TMCC3: variants seen among roughly 807,000 people sequenced by gnomAD.
TMCC3 encodes the protein transmembrane and coiled-coil domain family 3, also known as transmembrane and coiled-coil domain protein 3.
A neutral mutation model predicts 40.2 loss-of-function variants in TMCC3; 28 were observed. The observed-to-expected ratio is 0.70, with a 90% CI of 0.52 to 0.95. TMCC3 has a LOEUF of 0.95. TMCC3 is among the 40% of genes least tolerant of loss of function. TMCC3 has a pLI of 0.00. For missense variants in TMCC3, 554 were observed against 615.2 expected (o/e 0.90, Z 1.05); for synonymous variants, 255 against 248.5 (o/e 1.03, Z -0.25).
At chr12:94,591,824 G>A (rs1263937923) in intron 1 of TMCC3, among the ~76,000 whole-genome samples, 1 of 152,040 alleles carries the variant, frequency 6.6e-6, no homozygotes, top group Non-Finnish European at 1.5e-5. Flanking sequence ...GCTATCCTGG[G>A]GTCACACTTG....
Position 94,571,327 on chromosome 12 carries a change from T to C in TMCC3, c.*108A>G. 1 of 1,185,952 alleles carries C rather than the reference T, an allele frequency of 8.4e-7. No individual in the cohort carries two copies. The highest frequency in any genetic ancestry group is 1.2e-6 in the Non-Finnish European group (1 of 843,930). 73.5% of individuals were successfully genotyped at this position (1,185,952 alleles called of 1,614,324 possible). ...TATTTACACCACACAGTCCTAGTTT[T>C]TCTTACACACGAGTCCGCACAATCA... On this transcript the variant is annotated 3_prime_UTR_variant, in exon 4 of 4. Transcript: ENST00000261226.
At chr12:94,572,313 T>C (rs1416685187) in intron 3 of TMCC3, among the ~76,000 whole-genome samples, 1 of 121,382 alleles carries the variant, frequency 8.2e-6, no homozygotes, top group Non-Finnish European at 1.8e-5. Flanking sequence ...CATCTTTTTT[T>C]TTTTTTTTTT....
chr12:94,649,815 GC>G (rs1459482942), intron 1 of TMCC3, among the ~76,000 whole-genome samples: 1 of 152,262 alleles, frequency 6.6e-6, no homozygotes, highest in East Asian at 1.9e-4. Context: ...CTCCGGAGAG[GC>G]AGCGCAAAGA....
intron 1 of TMCC3, among the ~76,000 whole-genome samples, chr12:94,637,045 A>T (rs965731532): frequency 9.9e-5 from 15 of 152,254 alleles, no homozygotes; most frequent in Admixed American, 7.8e-4. Flanking sequence ...CAGTTAAAAA[A>T]AAAATAGAGT....
At chr12:94,595,120 A>AG (rs1434331193) in intron 1 of TMCC3, among the ~76,000 whole-genome samples, 2 of 152,190 alleles carry the variant, frequency 1.3e-5, no homozygotes, top group Non-Finnish European at 2.9e-5. Context: ...AGTAACTGTT[A>AG]GATCTGGTGA....
chr12:94,588,297 A>C (rs2068650143), intron 1 of TMCC3, among the ~76,000 whole-genome samples: 1 of 151,398 alleles, frequency 6.6e-6, no homozygotes, highest in Admixed American at 6.6e-5. Flanking sequence ...CACACCACCC[A>C]CCCCCCAGCA....
chr12:94,593,964 C>T (rs149148366), intron 1 of TMCC3, among the ~76,000 whole-genome samples: 2 of 152,150 alleles, frequency 1.3e-5, no homozygotes, highest in East Asian at 3.9e-4. Flanking sequence ...AATAGACCAA[C>T]CTTACATGAG....
At chr12:94,584,944 G>A (rs1011426624) in intron 1 of TMCC3, among the ~76,000 whole-genome samples, 3 of 152,146 alleles carry the variant, frequency 2.0e-5, no homozygotes, top group Non-Finnish European at 4.4e-5. Context: ...AAGGAATCTA[G>A]TATCTGTGGC....
At chr12:94,573,632 G>A (rs1250654261) in intron 3 of TMCC3, among the ~76,000 whole-genome samples, 1 of 152,116 alleles carries the variant, frequency 6.6e-6, no homozygotes, top group African/African-American at 2.4e-5. Context: ...AGGCTAGGGT[G>A]CAATGGCACA....
chr12:94,650,116 G>A (rs918673741), intron 1 of TMCC3, among the ~76,000 whole-genome samples: 2 of 152,130 alleles, frequency 1.3e-5, no homozygotes, highest in Non-Finnish European at 2.9e-5. Context: ...TAGCGCGCGG[G>A]GACCTGGGCG....
At chr12:94,589,398 G>A (rs947573227) in intron 1 of TMCC3, among the ~76,000 whole-genome samples, 1 of 152,130 alleles carries the variant, frequency 6.6e-6, no homozygotes, top group Admixed American at 6.5e-5. Context: ...CCCAGGTTAC[G>A]GTGGGGCCTC....
intron 1 of TMCC3, among the ~76,000 whole-genome samples, chr12:94,589,884 A>G (rs1311091602): frequency 6.6e-6 from 1 of 152,194 alleles, no homozygotes; most frequent in African/African-American, 2.4e-5. Flanking sequence ...GAAATATGCA[A>G]GACTTAGCAA....
intron 1 of TMCC3, among the ~76,000 whole-genome samples, chr12:94,627,738 C>G (rs2068911226): frequency 6.6e-6 from 1 of 152,212 alleles, no homozygotes; most frequent in African/African-American, 2.4e-5. Flanking sequence ...CTTTGAGTGT[C>G]CTGTTTAAAA....
chr12:94,577,597 T>C (rs1389937056), intron 3 of TMCC3, among the ~76,000 whole-genome samples: 1 of 152,150 alleles, frequency 6.6e-6, no homozygotes, highest in Non-Finnish European at 1.5e-5. Context: ...GACTGACTGC[T>C]CCCATGGTCC....
In TMCC3 at chr12:94,635,145, G is replaced by A. The variant is rs141980789; in HGVS notation, c.78+15208C>T. Among the ~76,000 whole-genome samples, 1,164 of 152,256 alleles carry A rather than the reference G, an allele frequency of 7.6e-3. 14 individuals are homozygous for A. The highest frequency in any genetic ancestry group is 0.026 in the African/African-American group (1,087 of 41,530). The stretch of plus-strand genomic sequence containing the variant: ...ATTAAGCCAAATAAGGAAACAGATC[G>A]TTACCTACAAATCAGAAATCTTGTT... On this transcript the variant is annotated intron_variant, in intron 1 of 3. Transcript: ENST00000261226.
intron 1 of TMCC3, among the ~76,000 whole-genome samples, chr12:94,605,435 C>T (rs1347471112): frequency 2.0e-5 from 3 of 152,046 alleles, no homozygotes; most frequent in African/African-American, 2.4e-5. Flanking sequence ...TCATGACATG[C>T]GTATACACTT....
chr12:94,617,011 G>A (rs888413783), intron 1 of TMCC3, among the ~76,000 whole-genome samples: 1 of 152,212 alleles, frequency 6.6e-6, no homozygotes, highest in Non-Finnish European at 1.5e-5. Flanking sequence ...AGCTGGTGAA[G>A]GCTGGATGTA....
intron 1 of TMCC3, among the ~76,000 whole-genome samples, chr12:94,597,349 C>T (rs903375865): frequency 6.6e-6 from 1 of 151,330 alleles, no homozygotes; most frequent in Non-Finnish European, 1.5e-5. Flanking sequence ...TAAGATCTCC[C>T]ACGTACAGAA....
chr12:94,599,694 G>C (rs1330696328), intron 1 of TMCC3, among the ~76,000 whole-genome samples: 1 of 152,008 alleles, frequency 6.6e-6, no homozygotes, highest in Admixed American at 6.6e-5. Context: ...AGCTCTTAAT[G>C]CTTTTATAAT....
Sources: allele counts gnomAD v4.1 joint callset (sites outside exome capture counted in the v4.1 genomes callset), GRCh38; gene constraint gnomAD v4.1.1; transcripts MANE v1.5; gene names NCBI Gene and HGNC (gene_info 2026-07-23, HGNC 2026-07-21).